USP37: variants seen among roughly 807,000 people sequenced by gnomAD.
USP37 encodes ubiquitin specific peptidase 37.
A neutral mutation model predicts 124.0 loss-of-function variants in USP37; 27 were observed. The observed-to-expected ratio is 0.22, with a 90% CI of 0.16 to 0.30. USP37 has a LOEUF of 0.30. Ranked by LOEUF, USP37 falls within the 10% of genes least tolerant of loss-of-function variation. The pLI is 1.00. For missense variants in USP37, 889 were observed against 1,140.4 expected, an observed-to-expected ratio of 0.78 and a Z score of 3.17; for synonymous variants, 365 against 388.0, an observed-to-expected ratio of 0.94 and a Z score of 0.70.
chr2:218,529,835 G>A (rs1200060235), intron 10 of USP37, 121 bp downstream of exon 10: 7 of 715,178 alleles, frequency 9.8e-6, no homozygotes, highest in Middle Eastern at 2.5e-4. Context: ...TATGAGTCTC[G>A]TCAATTTTGT....
At chr2:218,464,621 T>C (rs1392854774) in intron 21 of USP37, among the ~76,000 whole-genome samples, 16 of 152,324 alleles carry the variant, frequency 1.1e-4, no homozygotes, top group Admixed American at 9.8e-4. Flanking sequence ...TAGGGAGTCT[T>C]GGTAAATTTT....
intron 4 of USP37, among the ~76,000 whole-genome samples, chr2:218,556,519 T>G (rs1436540581): frequency 2.9e-5 from 4 of 138,478 alleles, no homozygotes; most frequent in Non-Finnish European, 3.1e-5. Context: ...TTTTTTTTTT[T>G]TTTTTTTTTT....
At position 218,544,424 on chromosome 2, in the gene USP37, TATATATAGAGAGAGAGAGAG is replaced by T. The variant is rs1228243108; in HGVS notation, c.680+1777_680+1796del. The stretch of plus-strand genomic sequence containing the variant: ...AAAAAAAAATATATATATATATATA[TATATATAGAGAGAGAGAGAG>T]AGAGAGAGAGAGAGAGACCCCAATT... On this transcript the variant is annotated intron_variant, in intron 8 of 25. Transcript: ENST00000258399. Among the ~76,000 whole-genome samples, 2 of 57,186 alleles carry T rather than the reference TATATATAGAGAGAGAGAGAG, an allele frequency of 3.5e-5. 1 individual carries two copies. Among genetic ancestry groups the T allele is most frequent in the Non-Finnish European group, 5.6e-5 (2 of 35,672 alleles). The allele number at this position is 57,186 out of a possible 152,430, so 37.5% of individuals were successfully genotyped here.
In USP37 at chr2:218,549,798, A is replaced by T. The variant is rs371332232; in HGVS notation, c.429+11T>A. 5 of 1,608,170 alleles carry T rather than the reference A, an allele frequency of 3.1e-6. No homozygotes were observed. The East Asian group carries it at 6.8e-5, about 22-fold the overall frequency. On this transcript the variant is annotated intron_variant, in intron 6 of 25. Transcript: ENST00000258399. ...TTTTTTTAAATGCTAAAAAGATTCA[A>T]ATGAACATACCTGATTGTCTGAGTA...
intron 8 of USP37, among the ~76,000 whole-genome samples, chr2:218,538,561 AG>A (rs1029423597): frequency 6.6e-6 from 1 of 152,194 alleles, no homozygotes; most frequent in African/African-American, 2.4e-5. Flanking sequence ...ATTTCCACAA[AG>A]GGACCATGAA....
chr2:218,562,885 T>C (rs1337937283), intron 1 of USP37, 72 bp from the exon 2 acceptor site: 2 of 392,352 alleles, frequency 5.1e-6, no homozygotes, highest in African/African-American at 4.1e-5. Flanking sequence ...GAAAGTGGGC[T>C]GGGCACGGTG....
chr2:218,526,232 ATTTAT>A (rs1303589993), intron 10 of USP37, among the ~76,000 whole-genome samples: 1 of 151,684 alleles, frequency 6.6e-6, no homozygotes, highest in African/African-American at 2.4e-5. Context: ...TTGAATGGTT[ATTTAT>A]TTATTTTTTT....
At chr2:218,531,513 C>T (rs1307728417) in intron 9 of USP37, among the ~76,000 whole-genome samples, 2 of 152,202 alleles carry the variant, frequency 1.3e-5, no homozygotes, top group Non-Finnish European at 2.9e-5. Flanking sequence ...GTTGTTTTCA[C>T]GCCTACTAAC....
At chr2:218,522,321 G>A (rs1250233079) in intron 10 of USP37, among the ~76,000 whole-genome samples, 1 of 151,880 alleles carries the variant, frequency 6.6e-6, no homozygotes, top group East Asian at 1.9e-4. Context: ...CCAGCACTCT[G>A]GGAGGTCAAA....
At chr2:218,529,477 C>CAAAA (rs71403049) in intron 10 of USP37, among the ~76,000 whole-genome samples, 2 of 112,504 alleles carry the variant, frequency 1.8e-5, no homozygotes, top group Non-Finnish European at 1.9e-5. Context: ...TGGTCTCAAA[C>CAAAA]AAAAAAAAAA....
intron 9 of USP37, among the ~76,000 whole-genome samples, chr2:218,531,166 G>C (rs953909826): frequency 6.6e-6 from 1 of 152,226 alleles, no homozygotes; most frequent in Non-Finnish European, 1.5e-5. Flanking sequence ...CGTAGCTAGA[G>C]AGAAATCAAT....
At position 218,549,801 on chromosome 2, in the gene USP37, G is replaced by A; in HGVS notation, c.429+8C>T. 6.2e-7 allele frequency: 1 copy of A among 1,610,200 alleles called. No homozygotes were observed. Among genetic ancestry groups the A allele is most frequent in the Non-Finnish European group, 8.5e-7 (1 of 1,177,960 alleles). On this transcript the variant is annotated splice_region_variant and intron_variant, in intron 6 of 25. Coordinates refer to ENST00000258399, the MANE Select transcript of USP37 (RefSeq NM_020935.3). ...TTTTAAATGCTAAAAAGATTCAAAT[G>A]AACATACCTGATTGTCTGAGTAAGA...
intron 8 of USP37, among the ~76,000 whole-genome samples, chr2:218,540,029 T>A (rs868303926): frequency 1.3e-5 from 2 of 152,086 alleles, no homozygotes; most frequent in Admixed American, 6.6e-5. Flanking sequence ...TCTTTTTTTT[T>A]ATTTCTTTGT....
chr2:218,456,969 C>CA (rs5838699), intron 24 of USP37, 123 bp downstream of exon 24: 9,983 of 820,804 alleles, frequency 0.012, 50 homozygotes, highest in African/African-American at 0.047. Context: ...GACTGGATCT[C>CA]AAAAAAAAAA....
At chr2:218,506,722 T>C (rs548002924) in intron 11 of USP37, among the ~76,000 whole-genome samples, 2 of 152,218 alleles carry the variant, frequency 1.3e-5, no homozygotes, top group East Asian at 3.9e-4. Flanking sequence ...ATATGTCTTT[T>C]CTTCTCCATC....
chr2:218,546,145 A>T (rs1044112352), intron 8 of USP37, 76 bp downstream of exon 8: 2 of 1,210,868 alleles, frequency 1.7e-6, no homozygotes, highest in African/African-American at 3.1e-5. Flanking sequence ...CCATTTCCCC[A>T]ATCTTCCCCA....
chr2:218,460,143 C>A (rs1022179022), intron 22 of USP37, among the ~76,000 whole-genome samples: 3 of 149,966 alleles, frequency 2.0e-5, no homozygotes, highest in Non-Finnish European at 4.4e-5. Context: ...GCCTGTAATC[C>A]CAGCTACTTG....
rs558436102 is a variant in USP37, at chr2:218,511,556, C to T, written c.864-1416G>A. On this transcript the variant is annotated intron_variant, in intron 10 of 25. Coordinates refer to ENST00000258399, the MANE Select transcript of USP37 (RefSeq NM_020935.3). ...AACTCCTGACCTCAGGTGACCTGCC[C>T]GCCTCGGCCTCCCAAAGTGCTAGGA... is the stretch of plus-strand genomic sequence containing the variant. Among the ~76,000 whole-genome samples, 9 of 152,054 alleles carry T rather than the reference C, an allele frequency of 5.9e-5. 1 individual carries two copies. In the South Asian group the frequency reaches 1.5e-3, roughly 25 times the overall value.
chr2:218,459,920 GAC>G lies in USP37; in HGVS notation c.2528-17_2528-16del. 1 of 1,595,756 alleles carries G rather than the reference GAC, an allele frequency of 6.3e-7. No individual in the cohort carries two copies. Among genetic ancestry groups the G allele is most frequent in the South Asian group, 1.1e-5 (1 of 90,498 alleles). Reference sequence around the variant, plus strand: ...GTTGTTAAACTCTGAAGAATACAAAGACAAAATCTTATAAAAGTTCTTGGAAT... The same window carrying G: ...GTTGTTAAACTCTGAAGAATACAAAGAAAATCTTATAAAAGTTCTTGGAAT... On this transcript the variant is annotated splice_polypyrimidine_tract_variant and intron_variant, in intron 22 of 25. Transcript: ENST00000258399.
Sources: gnomAD v4.1 joint callset for allele counts (sites outside exome capture counted in the v4.1 genomes callset) on GRCh38, gnomAD v4.1.1 for gene constraint, MANE v1.5 for transcripts, NCBI Gene and HGNC (gene_info 2026-07-23, HGNC 2026-07-21) for gene names.